Variants in SYT6 observed in about 807,000 individuals in gnomAD.
SYT6 encodes the protein synaptotagmin 6.
Under a neutral mutation model 38.4 loss-of-function variants are expected in SYT6, and 24 were observed. That is an observed-to-expected ratio of 0.62 (90% confidence interval 0.45 to 0.88). The LOEUF (loss-of-function observed/expected upper bound fraction) is 0.88, where lower values mean the gene tolerates loss of function less well. Ranked by LOEUF, SYT6 falls within the 40% of genes least tolerant of loss-of-function variation. The probability of loss-of-function intolerance (pLI) is 0.00; values close to 1 mark genes in which losing one functional copy is unlikely to be tolerated. For synonymous variants in SYT6, 265 were observed against 241.9 expected, an observed-to-expected ratio of 1.10 and a Z score of -0.89; for missense variants, 611 against 621.0, an observed-to-expected ratio of 0.98 and a Z score of 0.17.
chr1:114,092,311 ACTCTCTCTCT>A (rs35257020), intron 7 of SYT6, among the ~76,000 whole-genome samples: 7 of 133,520 alleles, frequency 5.2e-5, no homozygotes, highest in East Asian at 2.1e-4. Flanking sequence ...AGCTTTCTTA[ACTCTCTCTCT>A]CTCTCTCTCT....
chr1:114,109,301 G>T (rs1342108292), intron 3 of SYT6, among the ~76,000 whole-genome samples: 3 of 152,198 alleles, frequency 2.0e-5, no homozygotes, highest in Non-Finnish European at 2.9e-5. Flanking sequence ...ATGGGGTCTG[G>T]TTTTATTCAT....
Position 114,097,790 on chromosome 1 carries a change from T to C in SYT6, c.1452A>G (p.Ala484=). 1 of 1,614,210 alleles carries C rather than the reference T, an allele frequency of 6.2e-7. No homozygotes were observed. Among genetic ancestry groups the C allele is most frequent in the Non-Finnish European group, 8.5e-7 (1 of 1,180,044 alleles). Residue 484 remains alanine (A), a synonymous_variant, in exon 6 of 8, where the codon GCA becomes GCG. Transcript: ENST00000610222. ...LGRDHWNEML[A]YPRKPIAHWH... ...AGTGTGCGATGGGCTTCCGGGGGTA[T>C]GCCAGCATCTCGTTCCAGTGGTCCC...
chr1:114,126,042 C>A (rs756859830), intron 3 of SYT6, among the ~76,000 whole-genome samples: 110 of 152,090 alleles, frequency 7.2e-4, no homozygotes, highest in Non-Finnish European at 1.3e-3. Context: ...TGGGCAGGGG[C>A]CTGGGAAGGA....
intron 3 of SYT6, among the ~76,000 whole-genome samples, chr1:114,134,856 T>C (rs1374170148): frequency 6.6e-6 from 1 of 152,184 alleles, no homozygotes; most frequent in Non-Finnish European, 1.5e-5. Context: ...ATTGTGCTGG[T>C]ATGGGAATTC....
chr1:114,129,509 CTGTTCTTTGTT>C (rs1243632807), intron 3 of SYT6, among the ~76,000 whole-genome samples: 1 of 152,090 alleles, frequency 6.6e-6, no homozygotes, highest in East Asian at 1.9e-4. Flanking sequence ...GGTCCTCTTG[CTGTTCTTTGTT>C]TTTCTCTTTC....
At chr1:114,142,892 T>G (rs1367306508) in intron 1 of SYT6, among the ~76,000 whole-genome samples, 1 of 152,190 alleles carries the variant, frequency 6.6e-6, no homozygotes, top group Non-Finnish European at 1.5e-5. Context: ...TTGGGTGTAA[T>G]TTTATTGCAC....
chr1:114,099,690 A>G (rs952056523), intron 4 of SYT6, among the ~76,000 whole-genome samples: 2 of 152,122 alleles, frequency 1.3e-5, no homozygotes. Context: ...TTTTTGTTTT[A>G]CCAGAATTAC....
chr1:114,130,105 G>T (rs901219618), intron 3 of SYT6, among the ~76,000 whole-genome samples: 24 of 152,016 alleles, frequency 1.6e-4, no homozygotes, highest in Non-Finnish European at 3.2e-4. Flanking sequence ...TCTACTCAAA[G>T]GGCACCCTCT....
intron 7 of SYT6, among the ~76,000 whole-genome samples, chr1:114,092,328 CTCTCTCTCTCTGTG>C (rs1675358024): frequency 6.8e-6 from 1 of 147,340 alleles, no homozygotes; most frequent in East Asian, 2.3e-4. Flanking sequence ...CTCTCTCTCT[CTCTCTCTCTCTGTG>C]TGTGTGTGTG....
chr1:114,108,040 T>A (rs895277929), intron 3 of SYT6, among the ~76,000 whole-genome samples: 2 of 152,190 alleles, frequency 1.3e-5, no homozygotes, highest in Non-Finnish European at 2.9e-5. Context: ...ACCTAGGAGC[T>A]GATAGGGTAG....
intron 3 of SYT6, among the ~76,000 whole-genome samples, chr1:114,116,990 G>A (rs1046953151): frequency 4.6e-5 from 7 of 152,158 alleles, no homozygotes; most frequent in Non-Finnish European, 1.0e-4. Context: ...CTAGACCCAC[G>A]ACTAATCATC....
At chr1:114,142,866 G>A (rs61810285) in intron 1 of SYT6, among the ~76,000 whole-genome samples, 39,981 of 151,878 alleles carry the variant, frequency 0.26, 5,419 homozygotes, top group Middle Eastern at 0.41. Context: ...TTAAAATTAA[G>A]GTGTATATAT....
At chr1:114,132,860 A>G (rs1381851692) in intron 3 of SYT6, among the ~76,000 whole-genome samples, 1 of 152,190 alleles carries the variant, frequency 6.6e-6, no homozygotes, top group South Asian at 2.1e-4. Context: ...GCCATTATTA[A>G]TCCCCATCTT....
At chr1:114,108,492 T>C (rs1164024225) in intron 3 of SYT6, among the ~76,000 whole-genome samples, 1 of 152,160 alleles carries the variant, frequency 6.6e-6, no homozygotes, top group Non-Finnish European at 1.5e-5. Flanking sequence ...TTCCCATCTC[T>C]GGTCCTTGGG....
At chr1:114,128,434 T>G (rs1181615911) in intron 3 of SYT6, among the ~76,000 whole-genome samples, 1 of 152,202 alleles carries the variant, frequency 6.6e-6, no homozygotes, top group Non-Finnish European at 1.5e-5. Context: ...CCCTAAGCTA[T>G]GGCCCATATA....
chr1:114,098,926 A>G lies in SYT6; in HGVS notation c.1364+168T>C, dbSNP rs557165113. Among the ~76,000 whole-genome samples the G allele has an allele frequency of 1.3e-5, 2 of 152,316 alleles. 1 individual carries two copies. The highest frequency in any genetic ancestry group is 4.1e-4 in the South Asian group (2 of 4,820). On this transcript the variant is annotated intron_variant, in intron 5 of 7. Coordinates refer to ENST00000610222, the MANE Select transcript of SYT6 (RefSeq NM_001253772.2). The stretch of plus-strand genomic sequence containing the variant: ...AACTTTGAACCTTTGCTAAGGGAGA[A>G]TCTATGCTCTTCCTCAAACTCCTGC...
At chr1:114,111,195 C>T (rs1676652719) in intron 3 of SYT6, among the ~76,000 whole-genome samples, 1 of 152,160 alleles carries the variant, frequency 6.6e-6, no homozygotes, top group Non-Finnish European at 1.5e-5. Context: ...CCCCAGGTGC[C>T]GTACACTCCA....
chr1:114,133,133 G>A (rs1032719174), intron 3 of SYT6, among the ~76,000 whole-genome samples: 5 of 151,608 alleles, frequency 3.3e-5, no homozygotes, highest in African/African-American at 9.7e-5. Flanking sequence ...GCATGCCCAC[G>A]CACATACACA....
intron 3 of SYT6, among the ~76,000 whole-genome samples, chr1:114,123,304 G>T (rs1332790169): frequency 1.3e-5 from 2 of 152,216 alleles, no homozygotes; most frequent in Non-Finnish European, 2.9e-5. Flanking sequence ...CTCTCTGGAA[G>T]TTGGACTGTT....
Sources: allele counts gnomAD v4.1 joint callset (sites outside exome capture counted in the v4.1 genomes callset), GRCh38; gene constraint gnomAD v4.1.1; transcripts MANE v1.5; gene names NCBI Gene and HGNC (gene_info 2026-07-23, HGNC 2026-07-21).